STON2: variants seen among roughly 807,000 people sequenced by gnomAD.
STON2 encodes the protein stonin-2.
A neutral mutation model predicts 65.7 loss-of-function variants in STON2; 29 were observed. That is an observed-to-expected ratio of 0.44 (90% CI 0.33 to 0.60). STON2 has a LOEUF of 0.60. Among genes scored for constraint, STON2 ranks in the 20% least tolerant of loss-of-function variants. The pLI, the probability that STON2 is intolerant of heterozygous loss-of-function variation, is 0.03. For missense variants in STON2, 1,054 were observed against 1,118.1 expected (o/e 0.94, Z 0.82); for synonymous variants, 404 against 414.2 (o/e 0.98, Z 0.30).
chr14:81,430,540 A>G (rs1198538465), intron 1 of STON2, among the ~76,000 whole-genome samples: 1 of 152,186 alleles, frequency 6.6e-6, no homozygotes, highest in Non-Finnish European at 1.5e-5. Flanking sequence ...GCACCAGTCC[A>G]AGTTAGTAGG....
At position 81,409,903 on chromosome 14, in the gene STON2, A is replaced by G. The variant is rs939293864; in HGVS notation, c.-198-11323T>C. Among the ~76,000 whole-genome samples, 4 of 152,238 alleles carry G rather than the reference A, an allele frequency of 2.6e-5. No individual in the cohort carries two copies. The South Asian group carries it at 8.3e-4, about 32-fold the overall frequency. On this transcript the variant is annotated intron_variant, in intron 2 of 8. Coordinates refer to the STON2 transcript ENST00000553821. ...AGAGGTGATAACTTCACCAACTTCT[A>G]GCTAGTTAAACAAAAATGGAGATAC...
chr14:81,432,290 G>A (rs1342755762), intron 1 of STON2, among the ~76,000 whole-genome samples: 1 of 152,224 alleles, frequency 6.6e-6, no homozygotes, highest in African/African-American at 2.4e-5. Flanking sequence ...GTTGTTACAG[G>A]AGTGATGAGT....
At chr14:81,336,629 G>T (rs1440340047) in intron 4 of STON2, among the ~76,000 whole-genome samples, 2 of 151,914 alleles carry the variant, frequency 1.3e-5, no homozygotes, top group Admixed American at 1.3e-4. Flanking sequence ...AAGTCACCAT[G>T]GGGAAAGGAG....
intron 3 of STON2, among the ~76,000 whole-genome samples, chr14:81,388,721 G>C (rs540981402): frequency 1.3e-4 from 20 of 152,246 alleles, no homozygotes; most frequent in Non-Finnish European, 2.4e-4. Flanking sequence ...GTATTCTTTT[G>C]ATTTTTACTC....
intron 2 of STON2, chr14:81,413,075 AG>A (rs1398900255): frequency 9.6e-7 from 1 of 1,043,606 alleles, no homozygotes; most frequent in African/African-American, 2.1e-5. Context: ...CAACAAAGAG[AG>A]GAACACTGTG....
chr14:81,398,672 C>T lies in STON2; in HGVS notation c.-198-92G>A, dbSNP rs1900454113. On this transcript the variant is annotated intron_variant, in intron 1 of 7. Coordinates refer to ENST00000614646, the MANE Select transcript of STON2 (RefSeq NM_001394390.1). The stretch of plus-strand genomic sequence containing the variant: ...GGTCTAGGGCTTTTAGCGCTGCCCA[C>T]AAGAAGGCTTGGGGTGGTTTCCAAC... The T allele has an allele frequency of 1.1e-5, 3 of 268,782 alleles. No individual in the cohort carries two copies. The Admixed American group carries it at 1.6e-4, about 14-fold the overall frequency. The allele number at this position is 268,782 out of a possible 1,614,324, so 16.6% of individuals were successfully genotyped here.
chr14:81,318,946 A>C (rs1037660258), intron 5 of STON2, among the ~76,000 whole-genome samples: 2 of 152,262 alleles, frequency 1.3e-5, no homozygotes, highest in Admixed American at 6.5e-5. Context: ...GGATGCTAAC[A>C]GATTAGTGAC....
chr14:81,405,465 T>TTG (rs1900805866), intron 2 of STON2, among the ~76,000 whole-genome samples: 4 of 151,152 alleles, frequency 2.6e-5, no homozygotes, highest in Admixed American at 2.6e-4. Flanking sequence ...CTATTGTTTT[T>TTG]TTTTTTTTTT....
intron 5 of STON2, among the ~76,000 whole-genome samples, chr14:81,308,571 G>A (rs1430261808): frequency 6.6e-6 from 1 of 151,818 alleles, no homozygotes; most frequent in East Asian, 1.9e-4. Flanking sequence ...TGCTGAAGGT[G>A]GGGCATTTAT....
intron 4 of STON2, among the ~76,000 whole-genome samples, chr14:81,330,261 T>G (rs181481679): frequency 6.6e-6 from 1 of 152,170 alleles, no homozygotes; most frequent in Non-Finnish European, 1.5e-5. Context: ...TGAGAGGTGC[T>G]GGTCTGGCAC....
chr14:81,346,353 C>T (rs1897809601), intron 4 of STON2, among the ~76,000 whole-genome samples: 1 of 152,044 alleles, frequency 6.6e-6, no homozygotes, highest in South Asian at 2.1e-4. Flanking sequence ...CTACAGGTCA[C>T]TATAAAAAGA....
chr14:81,435,603 G>A (rs1902386357), intron 1 of STON2, among the ~76,000 whole-genome samples: 1 of 152,122 alleles, frequency 6.6e-6, no homozygotes, highest in South Asian at 2.1e-4. Context: ...CAAAAGCACA[G>A]TTAATGATTC....
At position 81,311,803 on chromosome 14, in the gene STON2, G is replaced by A. The variant is rs186853850; in HGVS notation, c.742+12214C>T. ...CTTATAGGAGACTTTCTCTGGAAACGAGTCAGGGGATATGAGATAGGAAAG... is the reference window on the plus strand; with the variant it reads ...CTTATAGGAGACTTTCTCTGGAAACAAGTCAGGGGATATGAGATAGGAAAG... On this transcript the variant is annotated intron_variant, in intron 5 of 7. Coordinates refer to ENST00000614646, the MANE Select transcript of STON2 (RefSeq NM_001394390.1). Among the ~76,000 whole-genome samples the A allele has an allele frequency of 1.4e-3, 213 of 152,330 alleles. 1 individual carries two copies. Among genetic ancestry groups the A allele is most frequent in the African/African-American group, 4.8e-3 (201 of 41,572 alleles).
chr14:81,299,946 T>TA (rs576178852), intron 5 of STON2, among the ~76,000 whole-genome samples: 34 of 152,046 alleles, frequency 2.2e-4, no homozygotes, highest in African/African-American at 8.0e-4. Context: ...CTCCCAGGCT[T>TA]AAAAAAATTT....
rs1010900221 is a variant in STON2, at chr14:81,263,492, C to T, written c.*4922G>A. ...GGCGGAGGTTGCAGTGAGCCGATGT[C>T]GTGCCACTGCACTCTAGCCTGGGTG... On this transcript the variant is annotated 3_prime_UTR_variant, in exon 8 of 8. Transcript: ENST00000614646. Among the ~76,000 whole-genome samples the T allele has an allele frequency of 1.6e-5, 2 of 128,680 alleles. No individual in the cohort carries two copies. Among genetic ancestry groups the T allele is most frequent in the African/African-American group, 2.9e-5 (1 of 34,638 alleles). 84.4% of individuals were successfully genotyped at this position (128,680 alleles called of 152,430 possible). A position where few individuals can be genotyped will look rare whatever the true frequency, so the allele number is the denominator to read the frequency against.
At chr14:81,376,402 A>G (rs1899253843) in intron 3 of STON2, among the ~76,000 whole-genome samples, 1 of 152,074 alleles carries the variant, frequency 6.6e-6, no homozygotes, top group South Asian at 2.1e-4. Context: ...GCAAAATATA[A>G]CTTTTCAAAA....
chr14:81,341,970 C>T (rs1219083054), intron 4 of STON2, among the ~76,000 whole-genome samples: 3 of 152,162 alleles, frequency 2.0e-5, no homozygotes, highest in Admixed American at 1.3e-4. Context: ...CTGTCTACAG[C>T]ATCTGACTCA....
chr14:81,277,901 T>A lies in STON2; in HGVS notation c.1581A>T (p.Pro527=). The A allele has an allele frequency of 6.2e-7, 1 of 1,614,202 alleles. No homozygotes were observed. The highest frequency in any genetic ancestry group is 8.5e-7 in the Non-Finnish European group (1 of 1,180,034). Residue 527 remains proline, a synonymous_variant, in exon 6 of 8, where the codon CCA becomes CCT. Transcript: ENST00000614646. ...QLYYEQGLEK[P]FREFKLEICH... is the part of the protein sequence containing the mutation. ...AGATCTCCAGCTTGAACTCACGGAA[T>A]GGTTTTTCTAGGCCCTGCTCATAAT... is the stretch of plus-strand genomic sequence containing the variant.
intron 3 of STON2, among the ~76,000 whole-genome samples, chr14:81,390,633 A>T (rs1394699376): frequency 6.6e-6 from 1 of 152,260 alleles, no homozygotes; most frequent in African/African-American, 2.4e-5. Flanking sequence ...ACAGATTTAC[A>T]GATGCTCCCC....
Sources: allele counts gnomAD v4.1 joint callset (sites outside exome capture counted in the v4.1 genomes callset), GRCh38; gene constraint gnomAD v4.1.1; transcripts MANE v1.5; gene names NCBI Gene and HGNC (gene_info 2026-07-23, HGNC 2026-07-21).